Variants in NUDCD3 observed in about 807,000 individuals in gnomAD.
NUDCD3 encodes the protein NudC domain containing 3, also known as nudC domain-containing protein 3.
A neutral mutation model predicts 39.7 loss-of-function variants in NUDCD3; 13 were observed. The ratio of observed to expected loss-of-function variants is 0.33; its 90% confidence interval spans 0.21 to 0.52. The LOEUF is 0.52. Ranked by LOEUF, NUDCD3 falls within the 20% of genes least tolerant of loss-of-function variation. NUDCD3 has a pLI of 0.96. For missense variants in NUDCD3, 453 were observed against 458.1 expected (o/e 0.99, Z 0.10); for synonymous variants, 175 against 172.4 (o/e 1.02, Z -0.12).
chr7:44,421,736 C>T (rs997300472), intron 3 of NUDCD3, among the ~76,000 whole-genome samples: 8 of 152,090 alleles, frequency 5.3e-5, no homozygotes, highest in African/African-American at 1.9e-4. Flanking sequence ...ACTTTAACAC[C>T]CCACTGTCAA....
chr7:44,395,481 C>A (rs1429232321), intron 4 of NUDCD3, among the ~76,000 whole-genome samples: 1 of 152,350 alleles, frequency 6.6e-6, no homozygotes, highest in Admixed American at 6.5e-5. Context: ...CAACCATCAC[C>A]TTTATCTAGT....
chr7:44,387,089 G>C (rs1798415277), intron 5 of NUDCD3, among the ~76,000 whole-genome samples: 1 of 152,154 alleles, frequency 6.6e-6, no homozygotes, highest in East Asian at 1.9e-4. Context: ...CAGAAAACGA[G>C]GCTGTGGGAT....
intron 2 of NUDCD3, among the ~76,000 whole-genome samples, chr7:44,455,524 C>T (rs1799874559): frequency 6.6e-6 from 1 of 152,132 alleles, no homozygotes; most frequent in Admixed American, 6.5e-5. Flanking sequence ...CCTCCAAGCC[C>T]AATCCTTCAG....
At chr7:44,484,786 G>A (rs374803955) in intron 2 of NUDCD3, among the ~76,000 whole-genome samples, 182 bp downstream of exon 2, 7 of 152,180 alleles carry the variant, frequency 4.6e-5, no homozygotes, top group Non-Finnish European at 7.3e-5. Context: ...CTGACCTTAA[G>A]CCAACTGACC....
At chr7:44,407,080 G>C (rs1215555518) in intron 3 of NUDCD3, among the ~76,000 whole-genome samples, 1 of 152,036 alleles carries the variant, frequency 6.6e-6, no homozygotes, top group Non-Finnish European at 1.5e-5. Context: ...GTGGATGCCT[G>C]TGTGTCAAGT....
At chr7:44,414,448 TA>T (rs924310271) in intron 3 of NUDCD3, among the ~76,000 whole-genome samples, 2 of 152,246 alleles carry the variant, frequency 1.3e-5, no homozygotes, top group South Asian at 2.1e-4. Flanking sequence ...AAGATCATCT[TA>T]AAAAGTGGAA....
chr7:44,399,146 G>A (rs1211589899), intron 4 of NUDCD3, among the ~76,000 whole-genome samples: 1 of 152,196 alleles, frequency 6.6e-6, no homozygotes, highest in Non-Finnish European at 1.5e-5. Context: ...AGGGTGCCCA[G>A]CACCCTGTCC....
At chr7:44,391,507 T>A (rs1213381981) in intron 5 of NUDCD3, among the ~76,000 whole-genome samples, 1 of 152,100 alleles carries the variant, frequency 6.6e-6, no homozygotes, top group Admixed American at 6.5e-5. Flanking sequence ...CGATCAGCGA[T>A]CTTCAGGGGG....
intron 2 of NUDCD3, among the ~76,000 whole-genome samples, chr7:44,456,455 G>A (rs1018942290): frequency 7.2e-5 from 11 of 152,136 alleles, no homozygotes; most frequent in Admixed American, 4.6e-4. Flanking sequence ...TCTCACTATT[G>A]CACTCGACTT....
At chr7:44,488,121 G>A (rs1432644614) in intron 1 of NUDCD3, among the ~76,000 whole-genome samples, 5 of 152,012 alleles carry the variant, frequency 3.3e-5, no homozygotes. Context: ...CAGAACACAA[G>A]GTCAGGAGTT....
intron 2 of NUDCD3, among the ~76,000 whole-genome samples, chr7:44,453,759 C>G (rs981901741): frequency 1.3e-5 from 2 of 152,084 alleles, no homozygotes; most frequent in Non-Finnish European, 2.9e-5. Flanking sequence ...ATAATAAAAG[C>G]TTGGCCAGGC....
At chr7:44,456,154 A>G (rs1799896126) in intron 2 of NUDCD3, among the ~76,000 whole-genome samples, 1 of 151,914 alleles carries the variant, frequency 6.6e-6, no homozygotes, top group Non-Finnish European at 1.5e-5. Flanking sequence ...CTAGGATTAG[A>G]GAACATAGCC....
At chr7:44,398,772 G>A (rs192013403) in intron 4 of NUDCD3, among the ~76,000 whole-genome samples, 4 of 152,270 alleles carry the variant, frequency 2.6e-5, no homozygotes, top group Non-Finnish European at 2.9e-5. Context: ...GGAATGTTGT[G>A]GGACGTTCCT....
chr7:44,442,704 T>C (rs1799611148), intron 2 of NUDCD3, among the ~76,000 whole-genome samples: 1 of 149,820 alleles, frequency 6.7e-6, no homozygotes, highest in Non-Finnish European at 1.5e-5. Context: ...TTTTTTTTTT[T>C]TTTTTTTTTG....
chr7:44,485,354 T>G (rs117508762), intron 1 of NUDCD3, 70 bp from the exon 2 acceptor site: 51 of 1,332,290 alleles, frequency 3.8e-5, no homozygotes, highest in Non-Finnish European at 5.1e-5. Flanking sequence ...TGTAGAAATG[T>G]CGTAAAATCT....
At chr7:44,478,288 C>T (rs1488932071) in intron 2 of NUDCD3, among the ~76,000 whole-genome samples, 3 of 152,188 alleles carry the variant, frequency 2.0e-5, no homozygotes, top group East Asian at 1.9e-4. Context: ...CGGTGGCTCA[C>T]GCCTGTAATT....
rs1167645620 is a variant in NUDCD3 at position 44,381,074 on chromosome 7, G to A, written c.*4937C>T. 2.6e-5 allele frequency: 4 copies of A among 152,338 alleles called. No homozygotes were observed. Among genetic ancestry groups the A allele is most frequent in the Admixed American group, 6.5e-5 (1 of 15,288 alleles). 9.4% of individuals were successfully genotyped at this position (152,338 alleles called of 1,614,324 possible). A position where few individuals can be genotyped will look rare whatever the true frequency, so the allele number is the denominator to read the frequency against. On this transcript the variant is annotated 3_prime_UTR_variant, in exon 6 of 6. Coordinates refer to ENST00000355451, the MANE Select transcript of NUDCD3 (RefSeq NM_015332.4). ...AGCATGGGGTCAGTGCAGCGGCAAT[G>A]TCTGGGTTGTTGAGGGTTTTGATGG...
At chr7:44,426,774 C>A (rs1440653719) in intron 3 of NUDCD3, among the ~76,000 whole-genome samples, 4 of 140,150 alleles carry the variant, frequency 2.9e-5, no homozygotes, top group Non-Finnish European at 6.1e-5. Context: ...CCAGCCTGGG[C>A]GACAGAGCGA....
At chr7:44,437,854 G>A (rs972968961) in intron 2 of NUDCD3, among the ~76,000 whole-genome samples, 1 of 152,016 alleles carries the variant, frequency 6.6e-6, no homozygotes, top group African/African-American at 2.4e-5. Flanking sequence ...TGTGACAGAT[G>A]GTCAGCCAAC....
Sources: gnomAD v4.1 joint callset for allele counts (sites outside exome capture counted in the v4.1 genomes callset) on GRCh38, gnomAD v4.1.1 for gene constraint, MANE v1.5 for transcripts, NCBI Gene and HGNC (gene_info 2026-07-23, HGNC 2026-07-21) for gene names.